Variants in SQOR observed in about 807,000 individuals in gnomAD.
SQOR encodes the protein sulfide:quinone oxidoreductase, mitochondrial.
SQOR carries 39 observed loss-of-function variants against 48.6 expected under a neutral mutation model. That is an observed-to-expected ratio of 0.80 (90% CI 0.62 to 1.05). The LOEUF (loss-of-function observed/expected upper bound fraction) is 1.05. Ranked by LOEUF, SQOR falls within the 50% of genes least tolerant of loss-of-function variation. SQOR has a pLI of 0.00. For synonymous variants in SQOR, 220 were observed against 206.2 expected (o/e 1.07, Z -0.57); for missense variants, 561 against 559.9 (o/e 1.00, Z -0.02).
chr15:45,664,595 C>T (rs571455998), intron 3 of SQOR, among the ~76,000 whole-genome samples: 30 of 152,190 alleles, frequency 2.0e-4, no homozygotes, highest in African/African-American at 6.5e-4. Context: ...CCCAGAATAG[C>T]GTGGAGCCAT....
chr15:45,669,469 C>G (rs1260611085), intron 3 of SQOR, among the ~76,000 whole-genome samples: 1 of 152,148 alleles, frequency 6.6e-6, no homozygotes, highest in African/African-American at 2.4e-5. Context: ...TGGCCTACCC[C>G]ATAGATTTTA....
intron 9 of SQOR, 103 bp downstream of exon 9, chr15:45,689,320 G>A (rs746700795): frequency 8.6e-7 from 1 of 1,161,480 alleles, no homozygotes; most frequent in Non-Finnish European, 1.2e-6. Context: ...GTGACCAAGT[G>A]TTCTGTCTTC....
intron 1 of SQOR, among the ~76,000 whole-genome samples, chr15:45,653,378 C>T (rs1889532952): frequency 6.6e-6 from 1 of 151,484 alleles, no homozygotes; most frequent in Non-Finnish European, 1.5e-5. Flanking sequence ...TCAAAGAACT[C>T]AGGGGAACAC....
intron 1 of SQOR, among the ~76,000 whole-genome samples, chr15:45,635,717 C>A (rs1314438343): frequency 6.6e-6 from 1 of 152,162 alleles, no homozygotes; most frequent in Non-Finnish European, 1.5e-5. Flanking sequence ...GCTTTTTGCT[C>A]AAAGACGCTG....
Position 45,689,054 on chromosome 15 carries a change from T to A in SQOR, c.1132T>A (p.Ser378Thr). ...TPTKKYDGYT[S>T]CPLVTGYNRV... ...ACAATTTTAGTATGATGGCTACACA[T>A]CATGTCCACTGGTGACCGGCTACAA... The change falls in exon 9 of 10, where the codon TCA (serine) becomes ACA (threonine). Residue 378 changes from serine (S) to threonine (T), a missense_variant. Physicochemically the swap from Ser to Thr is moderately conservative, Grantham distance 58. Transcript: ENST00000260324. 6.2e-7 allele frequency: 1 copy of A among 1,614,064 alleles called. No homozygotes were observed. The highest frequency in any genetic ancestry group is 8.5e-7 in the Non-Finnish European group (1 of 1,179,992).
chr15:45,659,195 CGTGTGTGT>C (rs113227688), intron 2 of SQOR, 38 bp downstream of exon 2: 1 of 1,300,414 alleles, frequency 7.7e-7, no homozygotes, highest in African/African-American at 1.5e-5. Context: ...TGTGTGTGTA[CGTGTGTGT>C]GTGTGTGAGT....
At chr15:45,668,318 T>G (rs934131505) in intron 3 of SQOR, among the ~76,000 whole-genome samples, 1 of 152,246 alleles carries the variant, frequency 6.6e-6, no homozygotes, top group African/African-American at 2.4e-5. Flanking sequence ...AGAGAAATTG[T>G]ACTTTTCACA....
intron 1 of SQOR, among the ~76,000 whole-genome samples, chr15:45,638,125 G>A (rs1895038582): frequency 6.6e-6 from 1 of 152,204 alleles, no homozygotes. Context: ...ACAGGAGGTA[G>A]AGAACTTTGT....
intron 1 of SQOR, among the ~76,000 whole-genome samples, chr15:45,643,753 G>C (rs1339862130): frequency 6.6e-6 from 1 of 152,134 alleles, no homozygotes; most frequent in African/African-American, 2.4e-5. Context: ...AGACTTATAT[G>C]CTGCAGAAAA....
rs768334677 is a variant in SQOR at position 45,673,606 on chromosome 15, G to A, written c.460-1G>A. 1 of 1,612,068 alleles carries A rather than the reference G, an allele frequency of 6.2e-7. No individual in the cohort carries two copies. Among genetic ancestry groups the A allele is most frequent in the Non-Finnish European group, 8.5e-7 (1 of 1,178,754 alleles). ...AATAATTTTTGTGTACTTTGTTGCA[G>A]ATTAAAGGCCTACCTGAAGGTTTCG... is the stretch of plus-strand genomic sequence containing the variant. On this transcript the variant is annotated splice_acceptor_variant, in intron 4 of 9. Transcript: ENST00000260324. LOFTEE classifies it high-confidence loss of function.
intron 3 of SQOR, among the ~76,000 whole-genome samples, chr15:45,668,989 G>A (rs1889889125): frequency 6.6e-6 from 1 of 151,884 alleles, no homozygotes. Context: ...GGTACACTAT[G>A]TCATAGCCTT....
intron 1 of SQOR, among the ~76,000 whole-genome samples, chr15:45,650,996 C>G (rs1311653708): frequency 6.6e-6 from 1 of 152,230 alleles, no homozygotes; most frequent in African/African-American, 2.4e-5. Context: ...GCCCCCGGGT[C>G]CCGCACCGCG....
chr15:45,643,221 A>C (rs1398000328), intron 1 of SQOR, among the ~76,000 whole-genome samples: 1 of 152,100 alleles, frequency 6.6e-6, no homozygotes, highest in Non-Finnish European at 1.5e-5. Flanking sequence ...TTTGAGATGG[A>C]GTCTTGCTCT....
chr15:45,650,103 A>C (rs1229481932), intron 1 of SQOR, among the ~76,000 whole-genome samples: 1 of 151,856 alleles, frequency 6.6e-6, no homozygotes, highest in East Asian at 1.9e-4. Context: ...TCAGCCTCCC[A>C]AAGTGCTGGG....
Position 45,682,554 on chromosome 15 carries a change from G to T in SQOR, c.941G>T (p.Gly314Val). 6.2e-7 allele frequency: 1 copy of T among 1,614,198 alleles called. No homozygotes were observed. The highest frequency in any genetic ancestry group is 1.1e-5 in the South Asian group (1 of 91,084). ...LKTSPVADAAGWVDVDKETLQ... is the reference protein window; with the variant it reads ...LKTSPVADAAVWVDVDKETLQ... ...ACCAGTCCTGTGGCTGATGCTGCTG[G>T]TTGGGTGGATGTGGATAAAGAAACT... Residue 314 changes from glycine to valine, a missense_variant, in exon 7 of 10, where the codon GGT (glycine) becomes GTT (valine). Gly to Val is a moderately radical substitution (Grantham distance 109). Coordinates refer to ENST00000260324, the MANE Select transcript of SQOR (RefSeq NM_021199.4).
At chr15:45,685,710 G>A (rs1302510261) in intron 7 of SQOR, among the ~76,000 whole-genome samples, 1 of 152,182 alleles carries the variant, frequency 6.6e-6, no homozygotes, top group Non-Finnish European at 1.5e-5. Flanking sequence ...TCCTGCTGCT[G>A]TGGCCTCCTC....
chr15:45,690,883 A>G (rs963079408), intron 9 of SQOR, 90 bp from the exon 10 acceptor site: 8 of 1,102,486 alleles, frequency 7.3e-6, no homozygotes, highest in Non-Finnish European at 1.1e-5. Flanking sequence ...ATGCTCTGTG[A>G]GCAGCCTGGC....
At chr15:45,683,357 A>G (rs946271423) in intron 7 of SQOR, among the ~76,000 whole-genome samples, 35 of 152,266 alleles carry the variant, frequency 2.3e-4, no homozygotes, top group African/African-American at 8.4e-4. Flanking sequence ...ATGGAAGTCA[A>G]TGAAAGCTTG....
At chr15:45,631,658 A>G (rs1894901170), upstream of SQOR, 1 of 152,188 alleles carries the variant, frequency 6.6e-6, no homozygotes, top group African/African-American at 2.4e-5. Context: ...GATCCCTTTC[A>G]CTGTTCCATT....
Sources: allele counts gnomAD v4.1 joint callset (sites outside exome capture counted in the v4.1 genomes callset), GRCh38; gene constraint gnomAD v4.1.1; transcripts MANE v1.5; gene names NCBI Gene and HGNC (gene_info 2026-07-23, HGNC 2026-07-21).